GPC5: variants seen among roughly 807,000 people sequenced by gnomAD.
GPC5 encodes glypican 5.
Under a neutral mutation model 53.9 loss-of-function variants are expected in GPC5, and 47 were observed. That is an observed-to-expected ratio of 0.87 (90% confidence interval 0.69 to 1.11). The LOEUF (loss-of-function observed/expected upper bound fraction) is 1.11. Ranked by LOEUF, GPC5 falls within the 50% of genes most tolerant of loss-of-function variation. The pLI, the probability that GPC5 is intolerant of heterozygous loss-of-function variation, is 0.00. For missense variants in GPC5, 748 were observed against 713.1 expected (o/e 1.05, Z -0.56); for synonymous variants, 286 against 263.3 (o/e 1.09, Z -0.84).
intron 7 of GPC5, among the ~76,000 whole-genome samples, chr13:92,325,569 A>T (rs569501487): frequency 1.3e-5 from 2 of 152,210 alleles, no homozygotes; most frequent in South Asian, 4.1e-4. Context: ...CAGAGAAGAC[A>T]TGGTAATGGG....
intron 7 of GPC5, among the ~76,000 whole-genome samples, chr13:92,708,709 G>A (rs955025483): frequency 2.6e-5 from 4 of 151,262 alleles, no homozygotes; most frequent in South Asian, 2.1e-4. Flanking sequence ...GAGACAATAC[G>A]TAAGGTTGGG....
chr13:91,628,763 T>C (rs1287601094), intron 2 of GPC5, among the ~76,000 whole-genome samples: 1 of 152,162 alleles, frequency 6.6e-6, no homozygotes, highest in Non-Finnish European at 1.5e-5. Flanking sequence ...GTGAGTAGTG[T>C]TGTCTTCTCA....
At chr13:91,915,638 T>C (rs1403575295) in intron 6 of GPC5, among the ~76,000 whole-genome samples, 1 of 152,206 alleles carries the variant, frequency 6.6e-6, no homozygotes, top group African/African-American at 2.4e-5. Flanking sequence ...AAAACTTTTA[T>C]ATTTTTTATT....
At chr13:91,872,017 A>G (rs997507751) in intron 5 of GPC5, among the ~76,000 whole-genome samples, 1 of 152,106 alleles carries the variant, frequency 6.6e-6, no homozygotes, top group Non-Finnish European at 1.5e-5. Context: ...CTGTCTGTGA[A>G]GGGAAAACAC....
intron 6 of GPC5, among the ~76,000 whole-genome samples, chr13:92,085,764 C>G (rs1012621825): frequency 6.6e-6 from 1 of 152,068 alleles, no homozygotes; most frequent in Non-Finnish European, 1.5e-5. Flanking sequence ...TCATAAGGAG[C>G]ACACAACCTA....
At chr13:92,619,255 G>A (rs1884795071) in intron 7 of GPC5, among the ~76,000 whole-genome samples, 2 of 151,680 alleles carry the variant, frequency 1.3e-5, no homozygotes, top group Non-Finnish European at 3.0e-5. Context: ...TTTTTAAAAT[G>A]GCATATTTAA....
intron 7 of GPC5, among the ~76,000 whole-genome samples, chr13:92,285,605 A>G (rs2042948605): frequency 1.3e-5 from 2 of 152,220 alleles, no homozygotes; most frequent in South Asian, 2.1e-4. Flanking sequence ...CAACCATCTG[A>G]TCTTTGTCAA....
chr13:92,169,935 A>G (rs1375917412), intron 7 of GPC5, among the ~76,000 whole-genome samples: 2 of 152,032 alleles, frequency 1.3e-5, no homozygotes, highest in Non-Finnish European at 2.9e-5. Context: ...TTGGTTGAAG[A>G]TATTTTCTTA....
intron 5 of GPC5, among the ~76,000 whole-genome samples, chr13:91,838,780 C>T (rs777686577): frequency 6.6e-6 from 1 of 152,112 alleles, no homozygotes. Context: ...GAATGGTAAA[C>T]ATCTTCCATA....
At chr13:92,606,431 G>A (rs999950648) in intron 7 of GPC5, among the ~76,000 whole-genome samples, 1 of 152,098 alleles carries the variant, frequency 6.6e-6, no homozygotes, top group African/African-American at 2.4e-5. Context: ...CCTTTTTTAT[G>A]GCTGCATAGT....
chr13:91,670,390 TATC>T (rs2035216965), intron 2 of GPC5, among the ~76,000 whole-genome samples: 1 of 152,114 alleles, frequency 6.6e-6, no homozygotes, highest in Non-Finnish European at 1.5e-5. Context: ...TAATATAAAA[TATC>T]ATAAATCTGA....
At chr13:91,909,749 T>C (rs1172338014) in intron 6 of GPC5, among the ~76,000 whole-genome samples, 1 of 151,950 alleles carries the variant, frequency 6.6e-6, no homozygotes, top group Non-Finnish European at 1.5e-5. Flanking sequence ...GAAGAACACA[T>C]AGATACCCAA....
intron 6 of GPC5, among the ~76,000 whole-genome samples, chr13:92,029,454 G>A (rs1334238905): frequency 6.6e-6 from 1 of 152,178 alleles, no homozygotes; most frequent in Non-Finnish European, 1.5e-5. Context: ...AATCAAGCTA[G>A]AAGGGAGAAG....
intron 5 of GPC5, among the ~76,000 whole-genome samples, chr13:91,818,988 T>C (rs533861898): frequency 6.6e-6 from 1 of 152,098 alleles, no homozygotes; most frequent in African/African-American, 2.4e-5. Flanking sequence ...GCATATAAAG[T>C]GAACATCATG....
intron 7 of GPC5, among the ~76,000 whole-genome samples, chr13:92,249,973 T>C (rs1215818182): frequency 2.6e-5 from 4 of 152,026 alleles, no homozygotes; most frequent in Non-Finnish European, 4.4e-5. Flanking sequence ...ATTGCATACT[T>C]TAAACAAGTG....
rs568755980 is a variant in GPC5, at chr13:91,401,532, C to T, written c.163+2323C>T. ...TTTTAACAAATCTATTCATTTAGCA[C>T]ATACCCTTTCACTGACTAAAACAAA... On this transcript the variant is annotated intron_variant, in intron 1 of 7. Transcript: ENST00000377067. Among the ~76,000 whole-genome samples the T allele has an allele frequency of 2.2e-4, 33 of 152,282 alleles. No homozygotes were observed. The South Asian group carries it at 6.6e-3, about 31-fold the overall frequency.
Position 91,781,094 on chromosome 13 carries a change from C to G in GPC5, c.1280+24674C>G, listed in dbSNP as rs1056911613. ...TTCTCTCCAGCTGACTTGCTGTGGC[C>G]TACAAGCTGAGGTGCTTGTGCACAA... On this transcript the variant is annotated intron_variant, in intron 5 of 7. Transcript: ENST00000377067. Among the ~76,000 whole-genome samples the G allele has an allele frequency of 2.5e-4, 38 of 152,310 alleles. 1 individual carries two copies. The highest frequency in any genetic ancestry group is 7.7e-4 in the African/African-American group (32 of 41,570).
chr13:92,817,577 A>G (rs1254093053), intron 7 of GPC5, among the ~76,000 whole-genome samples: 1 of 152,012 alleles, frequency 6.6e-6, no homozygotes, highest in Non-Finnish European at 1.5e-5. Context: ...TTAATCTTTG[A>G]AAAATTAATC....
chr13:92,028,556 G>A (rs1031780722), intron 6 of GPC5, among the ~76,000 whole-genome samples: 1 of 152,146 alleles, frequency 6.6e-6, no homozygotes, highest in Non-Finnish European at 1.5e-5. Context: ...TTTGTGCTGG[G>A]TAATTTCACT....
Sources: gnomAD v4.1 joint callset for allele counts (sites outside exome capture counted in the v4.1 genomes callset) on GRCh38, gnomAD v4.1.1 for gene constraint, MANE v1.5 for transcripts, NCBI Gene and HGNC (gene_info 2026-07-23, HGNC 2026-07-21) for gene names.